The following CARM1 variants were observed in gnomAD, a reference collection of about 807,000 sequenced individuals.
The protein encoded by CARM1 is coactivator associated arginine methyltransferase 1.
A neutral mutation model predicts 72.7 loss-of-function variants in CARM1; 14 were observed. The observed-to-expected ratio is 0.19, with a 90% CI of 0.13 to 0.30. CARM1 has a LOEUF of 0.30. Among genes scored for constraint, CARM1 ranks in the 10% least tolerant of loss-of-function variants. The pLI is 1.00. For synonymous variants in CARM1, 333 were observed against 345.5 expected (o/e 0.96, Z 0.40); for missense variants, 432 against 833.7 (o/e 0.52, Z 5.93).
At chr19:10,881,256 A>C (rs2073900266) in intron 1 of CARM1, among the ~76,000 whole-genome samples, 1 of 152,216 alleles carries the variant, frequency 6.6e-6, no homozygotes, top group Non-Finnish European at 1.5e-5. Flanking sequence ...GGCCCGAAGT[A>C]AGTGCTCCAT....
chr19:10,919,739 C>G, intron 9 of CARM1, 59 bp downstream of exon 9: 2 of 1,544,444 alleles, frequency 1.3e-6, no homozygotes, highest in South Asian at 1.1e-5. Context: ...TCAGGGCCAC[C>G]CCTGGCTCCC....
intron 8 of CARM1, among the ~76,000 whole-genome samples, chr19:10,918,292 C>T (rs2074213911): frequency 1.3e-5 from 2 of 152,134 alleles, no homozygotes; most frequent in South Asian, 2.1e-4. Context: ...TCAATCACTT[C>T]ATGGCTTACT....
In CARM1 at chr19:10,916,056, CG is replaced by C. The variant is rs1437840660; in HGVS notation, c.848-349del. ...TTTCCCGGCTGCACACATGCACAGACGGCAGGGCCTGAGAGGCAGCGCCTGG... is the reference window on the plus strand; with the variant it reads ...TTTCCCGGCTGCACACATGCACAGACGCAGGGCCTGAGAGGCAGCGCCTGG... On this transcript the variant is annotated intron_variant, in intron 6 of 15. Coordinates refer to ENST00000327064, the MANE Select transcript of CARM1 (RefSeq NM_199141.2). The surrounding 1 kb of genome is among the most constrained non-coding windows in gnomAD (Gnocchi z 4.4). Among the ~76,000 whole-genome samples, 4 of 152,222 alleles carry C rather than the reference CG, an allele frequency of 2.6e-5. No individual in the cohort carries two copies. Among genetic ancestry groups the C allele is most frequent in the Non-Finnish European group, 5.9e-5 (4 of 68,032 alleles).
chr19:10,901,363 A>G (rs2074063853), intron 1 of CARM1, among the ~76,000 whole-genome samples: 1 of 151,862 alleles, frequency 6.6e-6, no homozygotes, highest in Non-Finnish European at 1.5e-5. Context: ...GCTGGAGTGC[A>G]GTGGCTGTTC....
At chr19:10,911,368 C>T (rs1301602444) in intron 4 of CARM1, among the ~76,000 whole-genome samples, 1 of 152,148 alleles carries the variant, frequency 6.6e-6, no homozygotes, top group East Asian at 1.9e-4. Flanking sequence ...TGTCTTGACA[C>T]AAGAGTGTCT....
At chr19:10,921,499 C>T (rs1195061607) in intron 15 of CARM1, 56 bp downstream of exon 15, 3 of 1,573,450 alleles carry the variant, frequency 1.9e-6, no homozygotes, top group African/African-American at 2.7e-5. Flanking sequence ...TGTGAGTCGC[C>T]ATCCTCTGTC....
intron 2 of CARM1, among the ~76,000 whole-genome samples, chr19:10,907,439 T>C (rs921967014): frequency 5.3e-5 from 8 of 151,952 alleles, no homozygotes; most frequent in African/African-American, 1.5e-4. Context: ...TTATTTCATG[T>C]TTTTGTTTTT....
chr19:10,911,947 A>G (rs1002883813), intron 4 of CARM1, among the ~76,000 whole-genome samples: 1 of 152,206 alleles, frequency 6.6e-6, no homozygotes, highest in Non-Finnish European at 1.5e-5. Flanking sequence ...GACGATCCGG[A>G]GGCCTGCAGG....
intron 1 of CARM1, among the ~76,000 whole-genome samples, chr19:10,890,703 A>G (rs1210438667): frequency 6.7e-6 from 1 of 148,910 alleles, no homozygotes; most frequent in Non-Finnish European, 1.5e-5. Flanking sequence ...ATATATACAC[A>G]CACATATATA....
At chr19:10,877,916 A>G (rs2073875575) in intron 1 of CARM1, among the ~76,000 whole-genome samples, 1 of 152,118 alleles carries the variant, frequency 6.6e-6, no homozygotes, top group Non-Finnish European at 1.5e-5. Context: ...TTAGTAGCTC[A>G]CTGCAGCCTC....
chr19:10,903,071 T>C (rs1418410679), intron 1 of CARM1, among the ~76,000 whole-genome samples: 1 of 152,216 alleles, frequency 6.6e-6, no homozygotes, highest in Non-Finnish European at 1.5e-5. Flanking sequence ...ACTTCATTCT[T>C]TTCTCTGTGG....
chr19:10,921,654 G>T lies in CARM1; in HGVS notation c.1724G>T (p.Ser575Ile), dbSNP rs367770418. 3.1e-6 allele frequency: 5 copies of T among 1,613,356 alleles called. No homozygotes were observed. The highest frequency in any genetic ancestry group is 4.2e-6 in the Non-Finnish European group (5 of 1,179,856). Residue 575 changes from serine (S) to isoleucine (I), a missense_variant, in exon 16 of 16, where the codon AGT becomes ATT. Coordinates refer to ENST00000327064, the MANE Select transcript of CARM1 (RefSeq NM_199141.2). Reference sequence around the variant, plus strand: ...CAGGGCAGTGGTGGTGGCAGCACGAGTGCCCACTATGCAGTCAACAGCCAG... The same window carrying T: ...CAGGGCAGTGGTGGTGGCAGCACGATTGCCCACTATGCAGTCAACAGCCAG... Reference protein sequence around the residue: ...GAQGSGGGSTSAHYAVNSQFT... With the variant: ...GAQGSGGGSTIAHYAVNSQFT...
At chr19:10,880,502 A>G (rs1346224448) in intron 1 of CARM1, among the ~76,000 whole-genome samples, 1 of 148,040 alleles carries the variant, frequency 6.8e-6, no homozygotes, top group Non-Finnish European at 1.5e-5. Context: ...GCACATCACC[A>G]TGCCTGGCTA....
chr19:10,912,362 G>A lies in CARM1; in HGVS notation c.669+68G>A. On this transcript the variant is annotated intron_variant, in intron 5 of 15. Transcript: ENST00000327064. The surrounding 1 kb of genome is among the most constrained non-coding windows in gnomAD (Gnocchi z 4.5). ...TGAGTGCCATGCCGGCCCCAGCCTA[G>A]AGAAGCTTGGGAACCCCCAGGGGCC... 1 of 1,216,934 alleles carries A rather than the reference G, an allele frequency of 8.2e-7. No homozygotes were observed. Among genetic ancestry groups the A allele is most frequent in the Non-Finnish European group, 1.2e-6 (1 of 825,290 alleles). The allele number at this position is 1,216,934 out of a possible 1,614,324, so 75.4% of individuals were successfully genotyped here.
intron 1 of CARM1, among the ~76,000 whole-genome samples, chr19:10,894,348 G>A (rs747975503): frequency 2.0e-5 from 3 of 152,190 alleles, no homozygotes; most frequent in Non-Finnish European, 2.9e-5. Context: ...GATGCCAGCT[G>A]AGTGGGCTTC....
intron 1 of CARM1, among the ~76,000 whole-genome samples, chr19:10,894,543 G>A (rs946895976): frequency 6.6e-6 from 1 of 152,066 alleles, no homozygotes; most frequent in African/African-American, 2.4e-5. Context: ...TTGGACAACG[G>A]CTTCTACAGC....
In CARM1 at chr19:10,915,266, A is replaced by G. The variant is rs1275766903; in HGVS notation, c.848-1141A>G. Among the ~76,000 whole-genome samples the G allele has an allele frequency of 2.6e-5, 4 of 152,070 alleles. No homozygotes were observed. The South Asian group carries it at 8.3e-4, about 32-fold the overall frequency. The stretch of plus-strand genomic sequence containing the variant: ...CCCACTCTCCTCCCCTTCTGCCCTG[A>G]TGGTGGGGATGGGGGTGGGGACAGC... On this transcript the variant is annotated intron_variant, in intron 6 of 15. Coordinates refer to ENST00000327064, the MANE Select transcript of CARM1 (RefSeq NM_199141.2). The surrounding 1 kb of genome is among the most constrained non-coding windows in gnomAD (Gnocchi z 4.6).
chr19:10,921,583 G>T, intron 15 of CARM1, 32 bp from the exon 16 acceptor site: 2 of 1,594,806 alleles, frequency 1.3e-6, no homozygotes, highest in South Asian at 2.2e-5. Flanking sequence ...GCGGGCCAGG[G>T]CAGCCCCTCA....
At chr19:10,890,395 G>A (rs983065679) in intron 1 of CARM1, among the ~76,000 whole-genome samples, 1 of 149,470 alleles carries the variant, frequency 6.7e-6, no homozygotes, top group African/African-American at 2.5e-5. Flanking sequence ...AGCCTCCCAA[G>A]TAGCTGGGAT....
Sources: gnomAD v4.1 joint callset for allele counts (sites outside exome capture counted in the v4.1 genomes callset) on GRCh38, gnomAD v4.1.1 for gene constraint, Gnocchi (gnomAD v3.1) non-coding constraint, MANE v1.5 for transcripts, NCBI Gene and HGNC (gene_info 2026-07-23, HGNC 2026-07-21) for gene names.